The following ADAM2 variants were observed in gnomAD, a reference collection of about 807,000 sequenced individuals.
The protein encoded by ADAM2 is disintegrin and metalloproteinase domain-containing protein 2.
Under a neutral mutation model 99.3 loss-of-function variants are expected in ADAM2, and 101 were observed. That is an observed-to-expected ratio of 1.02 (90% CI 0.87 to 1.20). The LOEUF (loss-of-function observed/expected upper bound fraction) is 1.20, where lower values mean the gene tolerates loss of function less well. ADAM2 is among the 50% of genes most tolerant of loss of function. ADAM2 has a pLI of 0.00. For synonymous variants in ADAM2, 323 were observed against 287.6 expected, an observed-to-expected ratio of 1.12 and a Z score of -1.25; for missense variants, 948 against 878.7, an observed-to-expected ratio of 1.08 and a Z score of -1.00.
chr8:39,797,934 C>G (rs956750885), intron 7 of ADAM2, among the ~76,000 whole-genome samples: 2 of 152,142 alleles, frequency 1.3e-5, no homozygotes, highest in African/African-American at 4.8e-5. Context: ...GTTGAAGAAG[C>G]TTTTGGGCTT....
At position 39,827,155 on chromosome 8, in the gene ADAM2, GA is replaced by G. The variant is rs1331653183; in HGVS notation, c.189-2259del. On this transcript the variant is annotated intron_variant, in intron 3 of 20. Coordinates refer to ENST00000265708, the MANE Select transcript of ADAM2 (RefSeq NM_001464.5). ...AACTTCTCATTCTCACTAATCATCA[GA>G]AAAAAGTATATCAAAACCACCATGG... 3.9e-5 allele frequency among the ~76,000 whole-genome samples: 6 copies of G among 152,098 alleles called. No individual in the cohort carries two copies. The East Asian group carries it at 1.2e-3, about 29-fold the overall frequency.
chr8:39,769,265 C>T, intron 12 of ADAM2, 127 bp downstream of exon 12: 1 of 659,944 alleles, frequency 1.5e-6, no homozygotes, highest in African/African-American at 1.8e-5. Flanking sequence ...ATAATACCTA[C>T]ATGCCCTCCT....
At chr8:39,774,299 T>C (rs1238892142) in intron 11 of ADAM2, among the ~76,000 whole-genome samples, 7 of 151,900 alleles carry the variant, frequency 4.6e-5, no homozygotes, top group Admixed American at 4.6e-4. Context: ...TAAATAGTAC[T>C]CGAGGCCCTA....
chr8:39,809,713 C>T (rs1804612790), intron 6 of ADAM2, among the ~76,000 whole-genome samples: 1 of 152,060 alleles, frequency 6.6e-6, no homozygotes, highest in Admixed American at 6.5e-5. Flanking sequence ...TCCATATTTT[C>T]ATTGGTTCCA....
intron 10 of ADAM2, 113 bp downstream of exon 10, chr8:39,786,861 G>T: frequency 1.4e-6 from 1 of 728,562 alleles, no homozygotes; most frequent in South Asian, 2.3e-5. Flanking sequence ...CAGCAACAGT[G>T]ACAAAGATGC....
chr8:39,796,888 G>T (rs1185301432), intron 7 of ADAM2, among the ~76,000 whole-genome samples: 1 of 151,920 alleles, frequency 6.6e-6, no homozygotes, highest in Non-Finnish European at 1.5e-5. Flanking sequence ...TTTTGATGGG[G>T]TTGTTTTTTT....
At chr8:39,826,801 G>C (rs1805421357) in intron 3 of ADAM2, among the ~76,000 whole-genome samples, 1 of 151,758 alleles carries the variant, frequency 6.6e-6, no homozygotes, top group East Asian at 1.9e-4. Context: ...CTAGAAGAAA[G>C]CATAGAGGAA....
chr8:39,814,781 C>T (rs1308383993), intron 6 of ADAM2, among the ~76,000 whole-genome samples: 1 of 151,450 alleles, frequency 6.6e-6, no homozygotes, highest in Non-Finnish European at 1.5e-5. Flanking sequence ...AAAATTTGGA[C>T]TGGGACTGAA....
At chr8:39,821,504 C>A in intron 5 of ADAM2, 82 bp downstream of exon 5, 3 of 1,098,414 alleles carry the variant, frequency 2.7e-6, no homozygotes, top group Admixed American at 2.1e-5. Context: ...ACTTTAGAAC[C>A]ACTGAATATT....
chr8:39,782,671 C>A (rs1223504197), intron 10 of ADAM2, among the ~76,000 whole-genome samples: 1 of 151,958 alleles, frequency 6.6e-6, no homozygotes, highest in Non-Finnish European at 1.5e-5. Context: ...TGAGGATAAG[C>A]CGTCTTATAT....
intron 7 of ADAM2, among the ~76,000 whole-genome samples, chr8:39,809,154 T>G (rs1471497948): frequency 6.6e-6 from 1 of 152,160 alleles, no homozygotes; most frequent in Non-Finnish European, 1.5e-5. Flanking sequence ...TACATACAAG[T>G]TTCTATAATA....
Position 39,749,299 on chromosome 8 carries a change from T to G in ADAM2, c.2014+13A>C. ...ATGTTTTAATTATTTTCTGATTTATTATTAATACTTACCAGGGAGTCTGGC... is the reference window on the plus strand; with the variant it reads ...ATGTTTTAATTATTTTCTGATTTATGATTAATACTTACCAGGGAGTCTGGC... On this transcript the variant is annotated intron_variant, in intron 18 of 20. Coordinates refer to ENST00000265708, the MANE Select transcript of ADAM2 (RefSeq NM_001464.5). The G allele has an allele frequency of 6.3e-7, 1 of 1,589,668 alleles. No homozygotes were observed. The highest frequency in any genetic ancestry group is 1.1e-5 in the South Asian group (1 of 87,450).
At chr8:39,767,413 T>C (rs1802615731) in intron 12 of ADAM2, among the ~76,000 whole-genome samples, 162 bp from the exon 13 acceptor site, 1 of 152,188 alleles carries the variant, frequency 6.6e-6, no homozygotes, top group African/African-American at 2.4e-5. Context: ...TTAACAGACA[T>C]TTATTAATTA....
intron 15 of ADAM2, among the ~76,000 whole-genome samples, chr8:39,758,828 G>C (rs1430098772): frequency 6.6e-6 from 1 of 151,880 alleles, no homozygotes; most frequent in African/African-American, 2.4e-5. Context: ...TCAAAATTAA[G>C]AGAATTTGAG....
intron 1 of ADAM2, among the ~76,000 whole-genome samples, chr8:39,837,638 G>C (rs1805896128): frequency 6.6e-6 from 1 of 152,046 alleles, no homozygotes; most frequent in East Asian, 1.9e-4. Context: ...GCCTTCCTCA[G>C]CCTCCCAAAG....
intron 4 of ADAM2, 98 bp from the exon 5 acceptor site, chr8:39,821,760 C>A: frequency 1.3e-6 from 1 of 797,184 alleles, no homozygotes; most frequent in Non-Finnish European, 2.0e-6. Context: ...TTTTATGCAT[C>A]AAACACTCAT....
At chr8:39,746,067 C>T (rs2129582544) in intron 19 of ADAM2, among the ~76,000 whole-genome samples, 1 of 152,012 alleles carries the variant, frequency 6.6e-6, no homozygotes, top group East Asian at 1.9e-4. Flanking sequence ...ACTCTGTTGC[C>T]TAGGCTAGAG....
chr8:39,788,320 A>G, intron 8 of ADAM2, 69 bp from the exon 9 acceptor site: 2 of 996,696 alleles, frequency 2.0e-6, no homozygotes, highest in Non-Finnish European at 2.8e-6. Context: ...TATATGTTTG[A>G]AAACAAATTT....
rs150913397 is a variant in ADAM2, at chr8:39,766,320, A to G, written c.1507+528T>C. Among the ~76,000 whole-genome samples, 61 of 152,322 alleles carry G rather than the reference A, an allele frequency of 4.0e-4. No homozygotes were observed. The East Asian group carries it at 5.4e-3, about 13-fold the overall frequency. ...TCCTTCTTGAACTCAGAAGTCCCAT[A>G]GACTTTGAATCTTTCCCTCTATTAT... On this transcript the variant is annotated intron_variant, in intron 14 of 20. Coordinates refer to ENST00000265708, the MANE Select transcript of ADAM2 (RefSeq NM_001464.5).
Sources: allele counts gnomAD v4.1 joint callset (sites outside exome capture counted in the v4.1 genomes callset), GRCh38; gene constraint gnomAD v4.1.1; transcripts MANE v1.5; gene names NCBI Gene and HGNC (gene_info 2026-07-23, HGNC 2026-07-21).